Variants in PPP2R1B observed in about 807,000 individuals in gnomAD.
PPP2R1B encodes the protein serine/threonine-protein phosphatase 2A 65 kDa regulatory subunit A beta isoform.
In PPP2R1B, 58 loss-of-function variants were observed where a neutral mutation model predicts 72.7. The ratio of observed to expected loss-of-function variants is 0.80; its 90% CI spans 0.65 to 0.99. PPP2R1B has a LOEUF of 0.99. Ranked by LOEUF, PPP2R1B falls within the 50% of genes least tolerant of loss-of-function variation. The pLI is 0.00. For synonymous variants in PPP2R1B, 256 were observed against 264.6 expected, an observed-to-expected ratio of 0.97 and a Z score of 0.32; for missense variants, 695 against 733.6, an observed-to-expected ratio of 0.95 and a Z score of 0.61.
chr11:111,743,302 G>C, intron 12 of PPP2R1B, 74 bp downstream of exon 12: 1 of 1,396,478 alleles, frequency 7.2e-7, no homozygotes, highest in Non-Finnish European at 9.9e-7. Context: ...ACAGTATACT[G>C]ATAATTCAGA....
chr11:111,749,796 C>G (rs923506532), intron 10 of PPP2R1B, among the ~76,000 whole-genome samples: 9 of 152,266 alleles, frequency 5.9e-5, no homozygotes, highest in Middle Eastern at 3.4e-3. Context: ...CCCTGCCAGA[C>G]AGGTGTAAGT....
chr11:111,697,879 G>A, the PPP2R1B span, among the ~76,000 whole-genome samples: 119 of 152,200 alleles, frequency 7.8e-4, no homozygotes, highest in African/African-American at 2.7e-3. Context: ...GCATGGTGGC[G>A]TGAGTCTATG....
intron 15 of PPP2R1B, chr11:111,727,863 A>G (rs957317473): frequency 6.6e-6 from 1 of 152,278 alleles, no homozygotes; most frequent in African/African-American, 2.4e-5. Context: ...GCAAGGACAC[A>G]GTGAGTGAGT....
chr11:111,707,009 G>A, the PPP2R1B span, among the ~76,000 whole-genome samples: 3 of 149,968 alleles, frequency 2.0e-5, no homozygotes, highest in East Asian at 5.9e-4. Flanking sequence ...GTAAAATAAT[G>A]TGTCCATATA....
the PPP2R1B span, chr11:111,719,638 C>T: frequency 2.4e-6 from 2 of 849,368 alleles, no homozygotes; most frequent in African/African-American, 1.7e-5. Context: ...TATGTGTTGT[C>T]ATGCATAATA....
chr11:111,723,137 A>G (rs4936665), downstream of PPP2R1B, among the ~76,000 whole-genome samples: 1,050 of 152,302 alleles, frequency 6.9e-3, 9 homozygotes, highest in Non-Finnish European at 0.01. Flanking sequence ...TGGCCAAGGT[A>G]GACCTACCCT....
chr11:111,714,846 TCTGTGGTTGCTA>T, the PPP2R1B span, among the ~76,000 whole-genome samples: 1 of 152,196 alleles, frequency 6.6e-6, no homozygotes. Context: ...TTCTTCTCTG[TCTGTGGTTGCTA>T]CTACAGTCCC....
At chr11:111,702,215 A>G in the PPP2R1B span, among the ~76,000 whole-genome samples, 1,225 of 152,238 alleles carry the variant, frequency 8.0e-3, 27 homozygotes, top group African/African-American at 0.028. Flanking sequence ...TCTCCTCTCT[A>G]TCTGCTTCAA....
the PPP2R1B span, among the ~76,000 whole-genome samples, chr11:111,697,642 A>AT: frequency 6.6e-6 from 1 of 152,154 alleles, no homozygotes; most frequent in Non-Finnish European, 1.5e-5. Flanking sequence ...CCAGGATTTG[A>AT]TCCCCAATCT....
At chr11:111,755,586 T>C in intron 5 of PPP2R1B, 136 bp from the exon 6 acceptor site, 1 of 770,788 alleles carries the variant, frequency 1.3e-6, no homozygotes, top group Non-Finnish European at 1.8e-6. Context: ...CTTGACATCT[T>C]TTTCTTTTTT....
intron 12 of PPP2R1B, 53 bp downstream of exon 12, chr11:111,743,319 CATGA>C: frequency 6.8e-7 from 1 of 1,470,022 alleles, no homozygotes; most frequent in Non-Finnish European, 9.4e-7. Context: ...CAGAAATAGT[CATGA>C]ATAATTTTGC....
the PPP2R1B span, chr11:111,719,987 C>A: frequency 1.2e-6 from 2 of 1,613,706 alleles, no homozygotes; most frequent in South Asian, 2.2e-5. Context: ...ATCAACTGGT[C>A]GTGATGCCTG....
the PPP2R1B span, among the ~76,000 whole-genome samples, chr11:111,700,136 T>C: frequency 6.6e-6 from 1 of 152,240 alleles, no homozygotes; most frequent in African/African-American, 2.4e-5. Flanking sequence ...TTTTAATGCA[T>C]GTTGAAGGCA....
intron 5 of PPP2R1B, among the ~76,000 whole-genome samples, chr11:111,755,972 G>A (rs1403800947): frequency 6.6e-6 from 1 of 151,762 alleles, no homozygotes; most frequent in Non-Finnish European, 1.5e-5. Context: ...ACTCTGGGAG[G>A]CTGAGGCAGG....
At chr11:111,703,981 T>C in the PPP2R1B span, among the ~76,000 whole-genome samples, 1 of 152,190 alleles carries the variant, frequency 6.6e-6, no homozygotes, top group Non-Finnish European at 1.5e-5. Context: ...AGCATACTTA[T>C]AGGATATACG....
downstream of PPP2R1B, chr11:111,724,272 C>G (rs1943900111): frequency 8.2e-7 from 1 of 1,223,152 alleles, no homozygotes; most frequent in Non-Finnish European, 1.1e-6. Context: ...ATCAGAGGGT[C>G]TGGCTGGGGT....
chr11:111,690,542 A>G, the PPP2R1B span, among the ~76,000 whole-genome samples: 1 of 151,918 alleles, frequency 6.6e-6, no homozygotes, highest in African/African-American at 2.4e-5. Flanking sequence ...TGTTGCACCT[A>G]TCAACTCGTC....
At chr11:111,715,492 T>G in the PPP2R1B span, among the ~76,000 whole-genome samples, 1 of 152,198 alleles carries the variant, frequency 6.6e-6, no homozygotes, top group Admixed American at 6.5e-5. Context: ...AGACTTCAGC[T>G]CTCCTTCCCT....
the PPP2R1B span, among the ~76,000 whole-genome samples, chr11:111,694,315 C>T: frequency 6.6e-6 from 1 of 152,064 alleles, no homozygotes; most frequent in Non-Finnish European, 1.5e-5. Context: ...TCTCAATTGT[C>T]TCTGGTTGAT....
Sources: allele counts gnomAD v4.1 joint callset (sites outside exome capture counted in the v4.1 genomes callset), GRCh38; gene constraint gnomAD v4.1.1; transcripts MANE v1.5; gene names NCBI Gene and HGNC (gene_info 2026-07-23, HGNC 2026-07-21).